Variants in HMCN1 observed in about 807,000 individuals in gnomAD.
HMCN1 encodes the protein hemicentin 1.
A neutral mutation model predicts 625.9 loss-of-function variants in HMCN1; 321 were observed. The observed-to-expected ratio is 0.51, with a 90% CI of 0.47 to 0.56. HMCN1 has a LOEUF of 0.56. HMCN1 is among the 20% of genes least tolerant of loss of function. The pLI is 0.00. For synonymous variants in HMCN1, 2,425 were observed against 2,417.6 expected (o/e 1.00, Z -0.09); for missense variants, 6,588 against 6,887.3 (o/e 0.96, Z 1.54).
At chr1:185,872,012 G>A (rs1345258581) in intron 4 of HMCN1, among the ~76,000 whole-genome samples, 1 of 152,130 alleles carries the variant, frequency 6.6e-6, no homozygotes, top group Non-Finnish European at 1.5e-5. Flanking sequence ...AAGTAGAAAC[G>A]GGTGTTTCCT....
intron 4 of HMCN1, among the ~76,000 whole-genome samples, chr1:185,906,229 T>C (rs889151792): frequency 6.6e-6 from 1 of 151,808 alleles, no homozygotes; most frequent in African/African-American, 2.4e-5. Flanking sequence ...ATTGGTAGTA[T>C]CTGTATTTTC....
At chr1:186,182,656 ATTATT>A (rs1653007895) in intron 105 of HMCN1, among the ~76,000 whole-genome samples, 1 of 152,208 alleles carries the variant, frequency 6.6e-6, no homozygotes, top group Non-Finnish European at 1.5e-5. Context: ...AGTGTTAGAT[ATTATT>A]TTATATGTTG....
chr1:186,144,490 T>TC, intron 90 of HMCN1, 43 bp from the exon 91 acceptor site: 1 of 1,613,714 alleles, frequency 6.2e-7, no homozygotes, highest in Non-Finnish European at 8.5e-7. Flanking sequence ...ACACGATGGT[T>TC]CCTAGGTAGT....
intron 22 of HMCN1, among the ~76,000 whole-genome samples, chr1:185,992,976 T>A (rs1457341078): frequency 2.0e-5 from 3 of 152,116 alleles, no homozygotes; most frequent in African/African-American, 7.2e-5. Flanking sequence ...AAAAGTAAAA[T>A]AAAACTGTTT....
At chr1:186,003,896 G>T (rs752381173) in intron 29 of HMCN1, 52 bp downstream of exon 29, 1 of 1,562,322 alleles carries the variant, frequency 6.4e-7, no homozygotes, top group South Asian at 1.1e-5. Context: ...GGAAAAAGAT[G>T]TGAAAAATGC....
At chr1:186,102,267 G>A (rs973506722) in intron 68 of HMCN1, among the ~76,000 whole-genome samples, 1 of 152,104 alleles carries the variant, frequency 6.6e-6, no homozygotes, top group East Asian at 1.9e-4. Context: ...AAGAGGTCAT[G>A]TGGGACAGTG....
intron 1 of HMCN1, among the ~76,000 whole-genome samples, chr1:185,823,815 T>C (rs944339920): frequency 2.0e-5 from 3 of 152,204 alleles, no homozygotes; most frequent in Non-Finnish European, 4.4e-5. Context: ...ACTGAAACAA[T>C]ACAGACTTCT....
At chr1:185,917,431 T>C (rs1411044878) in intron 6 of HMCN1, among the ~76,000 whole-genome samples, 1 of 152,152 alleles carries the variant, frequency 6.6e-6, no homozygotes, top group Non-Finnish European at 1.5e-5. Flanking sequence ...GTAAATATCA[T>C]TTTTTTGAAC....
At position 185,981,093 on chromosome 1, in the gene HMCN1, T is replaced by C. The variant is rs1271712253; in HGVS notation, c.2662+20T>C. On this transcript the variant is annotated intron_variant, in intron 17 of 106. Transcript: ENST00000271588. ...GACTTGGTAAGATCAATTGAATGTC[T>C]ACATACCATGGTCTTCAAAGTCATC... The C allele has an allele frequency of 7.3e-7, 1 of 1,375,516 alleles. No individual in the cohort carries two copies. Among genetic ancestry groups the C allele is most frequent in the Non-Finnish European group, 1.0e-6 (1 of 962,270 alleles). 85.2% of individuals were successfully genotyped at this position (1,375,516 alleles called of 1,614,324 possible). A position where few individuals can be genotyped will look rare whatever the true frequency, so the allele number is the denominator to read the frequency against.
chr1:185,990,253 C>G, intron 21 of HMCN1, 22 bp from the exon 22 acceptor site: 1 of 1,609,108 alleles, frequency 6.2e-7, no homozygotes, highest in Non-Finnish European at 8.5e-7. Context: ...TGTTTCCCTT[C>G]CAAAACATGT....
At chr1:186,108,230 A>G (rs1660712714) in intron 70 of HMCN1, among the ~76,000 whole-genome samples, 1 of 152,090 alleles carries the variant, frequency 6.6e-6, no homozygotes. Context: ...CAATTATATT[A>G]CTTCCATCAT....
chr1:185,962,473 A>C, intron 11 of HMCN1, 45 bp from the exon 12 acceptor site: 1 of 1,549,878 alleles, frequency 6.5e-7, no homozygotes, highest in Non-Finnish European at 8.9e-7. Context: ...TTCTAACATC[A>C]AGATAAATTG....
intron 18 of HMCN1, 65 bp from the exon 19 acceptor site, chr1:185,984,104 G>T (rs1325513726): frequency 1.5e-6 from 2 of 1,340,864 alleles, no homozygotes; most frequent in Non-Finnish European, 2.1e-6. Context: ...GAAAAAGCAG[G>T]TTCATTTTTG....
intron 4 of HMCN1, among the ~76,000 whole-genome samples, chr1:185,884,194 CT>C (rs1664491242): frequency 1.3e-5 from 2 of 151,794 alleles, no homozygotes; most frequent in Admixed American, 1.3e-4. Flanking sequence ...TTCAATGAGG[CT>C]GAAAAGAACT....
chr1:186,117,946 A>G (rs1661216415), intron 77 of HMCN1, among the ~76,000 whole-genome samples: 2 of 152,070 alleles, frequency 1.3e-5, no homozygotes, highest in Non-Finnish European at 2.9e-5. Context: ...AGTGAATCAC[A>G]CTTCTTTCAT....
intron 1 of HMCN1, among the ~76,000 whole-genome samples, chr1:185,844,972 T>C (rs1661720646): frequency 6.6e-6 from 1 of 152,338 alleles, no homozygotes; most frequent in South Asian, 2.1e-4. Flanking sequence ...ACCTGACTTA[T>C]GATCTAAGTC....
intron 68 of HMCN1, among the ~76,000 whole-genome samples, chr1:186,097,075 C>T (rs1264946001): frequency 6.6e-6 from 1 of 151,942 alleles, no homozygotes; most frequent in African/African-American, 2.4e-5. Flanking sequence ...CATCCAAATT[C>T]GAAAGGAGGA....
chr1:186,152,681 G>A, intron 95 of HMCN1, 69 bp from the exon 96 acceptor site: 1 of 1,598,070 alleles, frequency 6.3e-7, no homozygotes, highest in Non-Finnish European at 8.6e-7. Context: ...GGTATGTAAG[G>A]TAAATCTGCT....
At position 186,071,355 on chromosome 1, in the gene HMCN1, A is replaced by G. The variant is rs185430851; in HGVS notation, c.8139+598A>G. On this transcript the variant is annotated intron_variant, in intron 52 of 106. Coordinates refer to ENST00000271588, the MANE Select transcript of HMCN1 (RefSeq NM_031935.3). ...AGTACAGTTAACTGGGAACAGAGAA[A>G]CTTTAAATAAAAGACAGATCCTTCA... is the stretch of plus-strand genomic sequence containing the variant. Among the ~76,000 whole-genome samples, 795 of 152,336 alleles carry G rather than the reference A, an allele frequency of 5.2e-3. 2 individuals carry two copies. Among genetic ancestry groups the G allele is most frequent in the Non-Finnish European group, 8.1e-3 (553 of 68,010 alleles).
Sources: gnomAD v4.1 joint callset for allele counts (sites outside exome capture counted in the v4.1 genomes callset) on GRCh38, gnomAD v4.1.1 for gene constraint, MANE v1.5 for transcripts, NCBI Gene and HGNC (gene_info 2026-07-23, HGNC 2026-07-21) for gene names.